The following MAGI2 variants were observed in gnomAD, a reference collection of about 807,000 sequenced individuals.
MAGI2 encodes the protein membrane-associated guanylate kinase, WW and PDZ domain-containing protein 2.
Under a neutral mutation model 133.3 loss-of-function variants are expected in MAGI2, and 35 were observed. The ratio of observed to expected loss-of-function variants is 0.26; its 90% CI spans 0.20 to 0.35. The LOEUF is 0.35. Among genes scored for constraint, MAGI2 ranks in the 10% least tolerant of loss-of-function variants. The pLI is 1.00. For synonymous variants in MAGI2, 729 were observed against 710.6 expected (o/e 1.03, Z -0.41); for missense variants, 1,636 against 1,863.4 (o/e 0.88, Z 2.25).
intron 1 of MAGI2, among the ~76,000 whole-genome samples, chr7:79,306,513 C>A (rs971210096): frequency 6.6e-6 from 1 of 151,710 alleles, no homozygotes; most frequent in African/African-American, 2.4e-5. Context: ...CTTTCAAATT[C>A]TTTCTGTAAT....
chr7:78,235,189 G>C (rs1790401292), intron 10 of MAGI2, among the ~76,000 whole-genome samples: 1 of 152,078 alleles, frequency 6.6e-6, no homozygotes, highest in African/African-American at 2.4e-5. Flanking sequence ...CTTTAGAATT[G>C]TTGGCTGTAA....
At position 78,223,324 on chromosome 7, in the gene MAGI2, T is replaced by C. The variant is rs138821801; in HGVS notation, c.2048-22131A>G. 8.6e-5 allele frequency among the ~76,000 whole-genome samples: 13 copies of C among 151,090 alleles called. No homozygotes were observed. The East Asian group carries it at 2.1e-3, about 25-fold the overall frequency. On this transcript the variant is annotated intron_variant, in intron 10 of 21. Coordinates refer to ENST00000354212, the MANE Select transcript of MAGI2 (RefSeq NM_012301.4). ...CTCCACTTTTAAGAGCTTTCTGTAC[T>C]AAAAAAAAAGTGCTCTCACATACTT... is the stretch of plus-strand genomic sequence containing the variant.
At chr7:78,957,875 T>C (rs1802526332) in intron 2 of MAGI2, among the ~76,000 whole-genome samples, 1 of 152,180 alleles carries the variant, frequency 6.6e-6, no homozygotes, top group Admixed American at 6.5e-5. Context: ...TCCCTCTTCA[T>C]TTCTCTGTGT....
intron 1 of MAGI2, among the ~76,000 whole-genome samples, chr7:79,200,729 TA>T (rs1828541023): frequency 6.6e-6 from 1 of 151,902 alleles, no homozygotes; most frequent in Non-Finnish European, 1.5e-5. Context: ...CATCAGGAGT[TA>T]AAAAGCCAAT....
At chr7:78,252,682 C>A (rs991124172) in intron 10 of MAGI2, 6 of 151,746 alleles carry the variant, frequency 4.0e-5, no homozygotes, top group African/African-American at 1.5e-4. Flanking sequence ...TGGCTCACGC[C>A]CGTAATCCCA....
At chr7:79,399,095 C>CTTTTTTTTTTT (rs767332496) in intron 1 of MAGI2, among the ~76,000 whole-genome samples, 10 of 106,278 alleles carry the variant, frequency 9.4e-5, no homozygotes, top group East Asian at 3.1e-4. Context: ...TTTTTCTTTT[C>CTTTTTTTTTTT]TTTTTTTTTT....
intron 2 of MAGI2, among the ~76,000 whole-genome samples, chr7:78,809,155 G>A (rs1383166066): frequency 6.6e-6 from 1 of 152,138 alleles, no homozygotes; most frequent in East Asian, 1.9e-4. Context: ...TATAACACTG[G>A]ATCTGGTCAC....
At chr7:79,120,108 G>C (rs1040112741) in intron 1 of MAGI2, among the ~76,000 whole-genome samples, 2 of 152,040 alleles carry the variant, frequency 1.3e-5, no homozygotes, top group African/African-American at 4.8e-5. Flanking sequence ...GAAATGGATT[G>C]AGCAACACTT....
At chr7:79,041,377 G>A (rs1032758648) in intron 1 of MAGI2, among the ~76,000 whole-genome samples, 1 of 152,122 alleles carries the variant, frequency 6.6e-6, no homozygotes, top group South Asian at 2.1e-4. Context: ...GGCAACTGTT[G>A]AGCCTTTATT....
intron 9 of MAGI2, among the ~76,000 whole-genome samples, chr7:78,328,400 G>C (rs74469635): frequency 0.014 from 2,095 of 151,354 alleles, 54 homozygotes; most frequent in African/African-American, 0.048. Context: ...AAATATATAG[G>C]ATATATTTAA....
chr7:78,129,477 GA>G (rs779262483), intron 18 of MAGI2, among the ~76,000 whole-genome samples: 4 of 152,296 alleles, frequency 2.6e-5, no homozygotes. Flanking sequence ...TTTTACTTCT[GA>G]AAGAAGATCA....
chr7:79,425,246 C>A (rs62458998), intron 1 of MAGI2, among the ~76,000 whole-genome samples: 1 of 144,096 alleles, frequency 6.9e-6, no homozygotes, highest in Non-Finnish European at 1.5e-5. Context: ...AGCGAGACTC[C>A]GTCTCAGAAA....
intron 1 of MAGI2, 154 bp downstream of exon 1, chr7:79,452,866 C>T (rs1849383372): frequency 1.3e-6 from 1 of 782,428 alleles, no homozygotes; most frequent in East Asian, 2.8e-5. Context: ...AGTCGAATCC[C>T]CGGCGAAACT....
At chr7:78,806,145 A>G (rs1296409864) in intron 2 of MAGI2, among the ~76,000 whole-genome samples, 1 of 152,150 alleles carries the variant, frequency 6.6e-6, no homozygotes, top group East Asian at 1.9e-4. Flanking sequence ...AGTATAAGTG[A>G]TACTGCTTAT....
chr7:78,084,380 C>G lies in MAGI2; in HGVS notation c.3568-5295G>C, dbSNP rs115091557. Among the ~76,000 whole-genome samples, 698 of 152,318 alleles carry G rather than the reference C, an allele frequency of 4.6e-3. 8 individuals carry two copies. The highest frequency in any genetic ancestry group is 0.015 in the African/African-American group (636 of 41,566). On this transcript the variant is annotated intron_variant, in intron 20 of 21. Transcript: ENST00000354212. ...CCTATTGTCTCTGTGTCATCTATAC[C>G]TGCCACAGTTCCTGAGAAGTAGGCC...
At chr7:79,443,446 A>C (rs1563229475) in intron 1 of MAGI2, among the ~76,000 whole-genome samples, 1 of 152,106 alleles carries the variant, frequency 6.6e-6, no homozygotes, top group Non-Finnish European at 1.5e-5. Flanking sequence ...AACTTCACAA[A>C]AAGCAACATT....
chr7:78,295,744 C>A (rs1253542835), intron 9 of MAGI2, among the ~76,000 whole-genome samples: 1 of 152,110 alleles, frequency 6.6e-6, no homozygotes, highest in Non-Finnish European at 1.5e-5. Flanking sequence ...TAGCCCTCCC[C>A]TAAATAAGTA....
At chr7:78,865,757 A>G (rs1326959549) in intron 2 of MAGI2, among the ~76,000 whole-genome samples, 1 of 152,202 alleles carries the variant, frequency 6.6e-6, no homozygotes, top group African/African-American at 2.4e-5. Flanking sequence ...AAGTAAATTT[A>G]GCCAATTCTT....
intron 1 of MAGI2, among the ~76,000 whole-genome samples, chr7:79,425,578 T>TTTTA (rs1554480389): frequency 2.7e-4 from 35 of 131,394 alleles, no homozygotes; most frequent in Non-Finnish European, 4.6e-4. Context: ...AATAAGGGTT[T>TTTTA]TATATATATA....
Sources: gnomAD v4.1 joint callset for allele counts (sites outside exome capture counted in the v4.1 genomes callset) on GRCh38, gnomAD v4.1.1 for gene constraint, MANE v1.5 for transcripts, NCBI Gene and HGNC (gene_info 2026-07-23, HGNC 2026-07-21) for gene names.